The following ANKFN1 variants were observed in gnomAD, a reference collection of about 807,000 sequenced individuals.
ANKFN1 encodes the protein ankyrin repeat and fibronectin type-III domain-containing protein 1.
A neutral mutation model predicts 108.7 loss-of-function variants in ANKFN1; 74 were observed. The ratio of observed to expected loss-of-function variants is 0.68; its 90% CI spans 0.56 to 0.83. ANKFN1 has a LOEUF of 0.83. Among genes scored for constraint, ANKFN1 ranks in the 40% least tolerant of loss-of-function variants. ANKFN1 has a pLI of 0.00. For missense variants in ANKFN1, 1,505 were observed against 1,382.3 expected, an observed-to-expected ratio of 1.09 and a Z score of -1.41; for synonymous variants, 547 against 516.2, an observed-to-expected ratio of 1.06 and a Z score of -0.81.
chr17:56,189,179 T>TTTTTTTTTTTTGTTTTTTTG (rs1244013476), intron 1 of ANKFN1, among the ~76,000 whole-genome samples: 4 of 111,400 alleles, frequency 3.6e-5, no homozygotes, highest in African/African-American at 1.5e-4. Flanking sequence ...ACTTTTTTTT[T>TTTTTTTTTTTTGTTTTTTTG]TTTTTTTTTG....
At chr17:56,385,661 G>C (rs1278932070) in intron 8 of ANKFN1, among the ~76,000 whole-genome samples, 1 of 152,056 alleles carries the variant, frequency 6.6e-6, no homozygotes, top group Non-Finnish European at 1.5e-5. Context: ...GTGTGCGAAG[G>C]ACATGAACAG....
At chr17:56,069,889 A>G (rs528085330) in intron 4 of ANKFN1, among the ~76,000 whole-genome samples, 2 of 152,312 alleles carry the variant, frequency 1.3e-5, no homozygotes, top group Admixed American at 6.5e-5. Context: ...ATTATATGCT[A>G]CATAAGGGGT....
chr17:56,141,679 G>A (rs929713992), intron 4 of ANKFN1, among the ~76,000 whole-genome samples: 4 of 152,054 alleles, frequency 2.6e-5, no homozygotes, highest in Non-Finnish European at 1.5e-5. Context: ...GTGTGTGGGG[G>A]GTGGGGGAGC....
At chr17:56,455,679 A>C (rs1385719739) in intron 11 of ANKFN1, among the ~76,000 whole-genome samples, 1 of 152,220 alleles carries the variant, frequency 6.6e-6, no homozygotes, top group East Asian at 1.9e-4. Context: ...TCCATGCAAT[A>C]TTATTTGCAA....
chr17:56,208,309 C>A (rs145657425), intron 1 of ANKFN1, among the ~76,000 whole-genome samples: 1 of 152,202 alleles, frequency 6.6e-6, no homozygotes, highest in Non-Finnish European at 1.5e-5. Context: ...GCATCAGCCA[C>A]CATACCCGGC....
intron 4 of ANKFN1, among the ~76,000 whole-genome samples, chr17:56,049,003 C>T (rs1904728209): frequency 6.6e-6 from 1 of 152,232 alleles, no homozygotes; most frequent in Non-Finnish European, 1.5e-5. Context: ...CTCACAAGTG[C>T]ATGTGCTTTA....
chr17:56,506,361 A>AAGTT (rs2051566107), intron 20 of ANKFN1, among the ~76,000 whole-genome samples: 1 of 152,222 alleles, frequency 6.6e-6, no homozygotes, highest in African/African-American at 2.4e-5. Flanking sequence ...ACCCAATGAA[A>AAGTT]AGTTCCCTTA....
chr17:56,263,853 C>G (rs979348355), intron 3 of ANKFN1, among the ~76,000 whole-genome samples: 2 of 152,190 alleles, frequency 1.3e-5, no homozygotes, highest in African/African-American at 4.8e-5. Context: ...TGTACCTTAA[C>G]CTCCATCCCA....
intron 4 of ANKFN1, among the ~76,000 whole-genome samples, chr17:56,125,751 C>G (rs1906887809): frequency 6.6e-6 from 1 of 152,200 alleles, no homozygotes; most frequent in African/African-American, 2.4e-5. Flanking sequence ...ACAGCACACA[C>G]TTTGAATACT....
chr17:56,105,711 CTGTG>C (rs147924842), intron 4 of ANKFN1, among the ~76,000 whole-genome samples: 12,720 of 144,578 alleles, frequency 0.088, 859 homozygotes, highest in African/African-American at 0.19. Flanking sequence ...GTTTTTTTGT[CTGTG>C]TGTGTGTGTG....
chr17:56,446,528 A>C (rs1245123483), intron 10 of ANKFN1, among the ~76,000 whole-genome samples: 1 of 152,204 alleles, frequency 6.6e-6, no homozygotes, highest in African/African-American at 2.4e-5. Flanking sequence ...ATCCTACCTG[A>C]ACATCATCGT....
rs139700793 is a variant in ANKFN1, at chr17:56,125,221, G to A, written c.288+78896G>A. 5.3e-5 allele frequency among the ~76,000 whole-genome samples: 8 copies of A among 152,272 alleles called. No individual in the cohort carries two copies. In the East Asian group the frequency reaches 1.5e-3, roughly 29 times the overall value. On this transcript the variant is annotated intron_variant, in intron 4 of 12. Transcript: ENST00000635860. ...GGCAGCCTGAGCTGTGACTTCCCTT[G>A]TATCTTTGGTTCCTCAAAGGGAGCT...
At chr17:56,466,007 T>C (rs2050060643) in intron 14 of ANKFN1, among the ~76,000 whole-genome samples, 1 of 152,244 alleles carries the variant, frequency 6.6e-6, no homozygotes, top group South Asian at 2.1e-4. Flanking sequence ...TTAAAACATC[T>C]GGGATTCTCT....
At chr17:56,474,364 T>A (rs904029706) in intron 15 of ANKFN1, among the ~76,000 whole-genome samples, 3 of 152,244 alleles carry the variant, frequency 2.0e-5, no homozygotes, top group Admixed American at 6.5e-5. Context: ...GGTCTTGTTC[T>A]ATTGCTATAA....
At chr17:56,213,242 A>G (rs1915159024) in intron 2 of ANKFN1, among the ~76,000 whole-genome samples, 2 of 152,260 alleles carry the variant, frequency 1.3e-5, no homozygotes, top group African/African-American at 4.8e-5. Flanking sequence ...AATGTGACTC[A>G]ACCATCCCGT....
Position 56,087,938 on chromosome 17 carries a change from A to G in ANKFN1, c.288+41613A>G, listed in dbSNP as rs77918683. Among the ~76,000 whole-genome samples the G allele has an allele frequency of 2.1e-3, 321 of 150,648 alleles. 9 individuals carry two copies. The East Asian group carries it at 0.054, about 25-fold the overall frequency. ...GAATATTTTCTATGTACATACCTCTATATGTGTGTGTGTGTTTGTGTGTAT... is the reference window on the plus strand; with the variant it reads ...GAATATTTTCTATGTACATACCTCTGTATGTGTGTGTGTGTTTGTGTGTAT... On this transcript the variant is annotated intron_variant, in intron 4 of 12. Coordinates refer to the ANKFN1 transcript ENST00000635860.
At chr17:56,162,134 T>C (rs991261137) in intron 1 of ANKFN1, among the ~76,000 whole-genome samples, 1 of 152,204 alleles carries the variant, frequency 6.6e-6, no homozygotes, top group African/African-American at 2.4e-5. Flanking sequence ...TCACCAAGAA[T>C]ACATAAAACT....
intron 4 of ANKFN1, among the ~76,000 whole-genome samples, chr17:56,069,337 C>T (rs976423483): frequency 4.6e-5 from 7 of 152,178 alleles, no homozygotes; most frequent in South Asian, 2.1e-4. Context: ...GGGTACAGCG[C>T]GAAATGCCAG....
At chr17:56,413,910 T>G (rs893218019) in intron 8 of ANKFN1, among the ~76,000 whole-genome samples, 3 of 152,236 alleles carry the variant, frequency 2.0e-5, no homozygotes, top group Admixed American at 2.0e-4. Flanking sequence ...ACTCCTGACC[T>G]CAGGTGATCC....
Sources: allele counts gnomAD v4.1 joint callset (sites outside exome capture counted in the v4.1 genomes callset), GRCh38; gene constraint gnomAD v4.1.1; transcripts MANE v1.5; gene names NCBI Gene and HGNC (gene_info 2026-07-23, HGNC 2026-07-21).